Variants in NKAIN1 observed in about 807,000 individuals in gnomAD.
The protein encoded by NKAIN1 is sodium/potassium-transporting ATPase subunit beta-1-interacting protein 1.
In NKAIN1, 13 loss-of-function variants were observed where a neutral mutation model predicts 31.6. The ratio of observed to expected loss-of-function variants is 0.41; its 90% CI spans 0.27 to 0.65. The LOEUF is 0.65. Ranked by LOEUF, NKAIN1 falls within the 30% of genes least tolerant of loss-of-function variation. The pLI is 0.30. For synonymous variants in NKAIN1, 104 were observed against 109.0 expected (o/e 0.95, Z 0.28); for missense variants, 193 against 262.2 (o/e 0.74, Z 1.82).
chr1:31,194,750 C>G (rs1265459636), intron 1 of NKAIN1, among the ~76,000 whole-genome samples: 1 of 142,450 alleles, frequency 7.0e-6, no homozygotes, highest in South Asian at 2.3e-4. Flanking sequence ...TCCTTCCTTC[C>G]TTTTCTCTCT....
chr1:31,212,652 G>A (rs961466967), intron 1 of NKAIN1, among the ~76,000 whole-genome samples: 3 of 152,078 alleles, frequency 2.0e-5, no homozygotes, highest in East Asian at 3.9e-4. Context: ...CAATCTGCCT[G>A]CCTTGGCCTC....
In NKAIN1 at chr1:31,212,404, T is replaced by TTCTTTC. The variant is rs768681611; in HGVS notation, c.55-24218_55-24217insGAAAGA. 0.011 allele frequency among the ~76,000 whole-genome samples: 601 copies of TTCTTTC among 55,058 alleles called. 35 individuals are homozygous for TTCTTTC. The East Asian group carries it at 0.15, about 14-fold the overall frequency. The allele number at this position is 55,058 out of a possible 152,430, so 36.1% of individuals were successfully genotyped here. ...TACTCTGGATTAGGTAATAGTTTCT[T>TTCTTTC]TTTTTTTTTTTTTTTTAGGAGACAA... On this transcript the variant is annotated intron_variant, in intron 1 of 6. Coordinates refer to ENST00000373736, the MANE Select transcript of NKAIN1 (RefSeq NM_024522.3).
chr1:31,229,295 C>G (rs972886666), intron 1 of NKAIN1, among the ~76,000 whole-genome samples: 6 of 152,188 alleles, frequency 3.9e-5, no homozygotes, highest in African/African-American at 1.4e-4. Flanking sequence ...CTATGGTGAG[C>G]TGGAGGTGAG....
At chr1:31,190,344 A>C (rs536896693) in intron 1 of NKAIN1, among the ~76,000 whole-genome samples, 2 of 152,306 alleles carry the variant, frequency 1.3e-5, no homozygotes, top group East Asian at 3.9e-4. Flanking sequence ...CTCCCCTCCC[A>C]GGGATGTGCA....
At chr1:31,200,985 A>G (rs1645375671) in intron 1 of NKAIN1, among the ~76,000 whole-genome samples, 1 of 152,024 alleles carries the variant, frequency 6.6e-6, no homozygotes, top group South Asian at 2.1e-4. Flanking sequence ...GGTGACTGCC[A>G]CCATGCCTGG....
Position 31,181,657 on chromosome 1 carries a change from T to G in NKAIN1, c.*46A>C. The G allele has an allele frequency of 7.0e-7, 1 of 1,430,526 alleles. No homozygotes were observed. The allele number at this position is 1,430,526 out of a possible 1,614,324, so 88.6% of individuals were successfully genotyped here. A position where few individuals can be genotyped will look rare whatever the true frequency, so the allele number is the denominator to read the frequency against. On this transcript the variant is annotated 3_prime_UTR_variant, in exon 7 of 7. Transcript: ENST00000373736. The stretch of plus-strand genomic sequence containing the variant: ...CGCCTTGGCCCGAGCTCGCGGCAGC[T>G]GCGGTCAGCCCAGGGCGAGGCGCCG...
At chr1:31,188,965 A>G (rs369168354) in intron 1 of NKAIN1, among the ~76,000 whole-genome samples, 2 of 151,564 alleles carry the variant, frequency 1.3e-5, no homozygotes, top group Admixed American at 6.6e-5. Flanking sequence ...GTGAGCCAAG[A>G]TCATGCCACT....
intron 1 of NKAIN1, among the ~76,000 whole-genome samples, chr1:31,230,475 A>G (rs1645639381): frequency 6.6e-6 from 1 of 152,194 alleles, no homozygotes; most frequent in South Asian, 2.1e-4. Flanking sequence ...CCAGGAGGCC[A>G]ATGTAAATCA....
chr1:31,208,227 G>T (rs78511939), intron 1 of NKAIN1, among the ~76,000 whole-genome samples: 8,168 of 152,158 alleles, frequency 0.054, 390 homozygotes, highest in Admixed American at 0.16. Flanking sequence ...AAAAGGAAAA[G>T]AATAAAACCT....
intron 1 of NKAIN1, among the ~76,000 whole-genome samples, chr1:31,220,493 G>A (rs1396729678): frequency 6.6e-6 from 1 of 151,874 alleles, no homozygotes; most frequent in Non-Finnish European, 1.5e-5. Flanking sequence ...GGTGGCTCAC[G>A]CCTATAATCC....
At chr1:31,219,515 GT>G (rs1645545494) in intron 1 of NKAIN1, among the ~76,000 whole-genome samples, 1 of 152,180 alleles carries the variant, frequency 6.6e-6, no homozygotes, top group African/African-American at 2.4e-5. Context: ...GTAGGCATAG[GT>G]TTCCAGTGAG....
chr1:31,201,517 C>T (rs1645379856), intron 1 of NKAIN1, among the ~76,000 whole-genome samples: 1 of 92,732 alleles, frequency 1.1e-5, no homozygotes, highest in Non-Finnish European at 2.8e-5. Context: ...CGCCACCATG[C>T]CCGGCTAATT....
intron 1 of NKAIN1, among the ~76,000 whole-genome samples, chr1:31,208,347 C>CT (rs939251749): frequency 2.0e-5 from 3 of 151,984 alleles, no homozygotes; most frequent in Non-Finnish European, 4.4e-5. Flanking sequence ...TCTTCCACCC[C>CT]CCGCTTATGG....
chr1:31,225,467 T>G (rs1446667441), intron 1 of NKAIN1, among the ~76,000 whole-genome samples: 15 of 150,630 alleles, frequency 1.0e-4, no homozygotes, highest in Non-Finnish European at 2.2e-4. Flanking sequence ...CTGAATGGAC[T>G]ACAGGCACCC....
At position 31,234,971 on chromosome 1, in the gene NKAIN1, C is replaced by T. The variant is rs7416539; in HGVS notation, c.54+4523G>A. ...CTGAAAAAGGGGATAATAAACACAT[C>T]TACCCCACTGTGTGGAATTGCAATA... On this transcript the variant is annotated intron_variant, in intron 1 of 6. Transcript: ENST00000373736. Among the ~76,000 whole-genome samples, 1,150 of 152,292 alleles carry T rather than the reference C, an allele frequency of 7.6e-3. 22 individuals are homozygous for T. Among genetic ancestry groups the T allele is most frequent in the African/African-American group, 0.026 (1,087 of 41,570 alleles).
At position 31,181,486 on chromosome 1, in the gene NKAIN1, C is replaced by T; in HGVS notation, c.*217G>A. Reference sequence around the variant, plus strand: ...GTGGTGCCCCTCCCCCGCCCCGCCCCACTCCTCCGAAGTCCGGGCTGCGAA... The same window carrying T: ...GTGGTGCCCCTCCCCCGCCCCGCCCTACTCCTCCGAAGTCCGGGCTGCGAA... On this transcript the variant is annotated 3_prime_UTR_variant, in exon 7 of 7. Coordinates refer to ENST00000373736, the MANE Select transcript of NKAIN1 (RefSeq NM_024522.3). The T allele has an allele frequency of 2.4e-6, 1 of 424,464 alleles. No homozygotes were observed. The highest frequency in any genetic ancestry group is 2.0e-5 in the African/African-American group (1 of 48,872). 26.3% of individuals were successfully genotyped at this position (424,464 alleles called of 1,614,324 possible).
At chr1:31,219,885 G>A (rs532823546) in intron 1 of NKAIN1, among the ~76,000 whole-genome samples, 4 of 152,310 alleles carry the variant, frequency 2.6e-5, no homozygotes, top group Admixed American at 2.0e-4. Context: ...CTGCCTAGCA[G>A]AGTTGTATGA....
At position 31,233,826 on chromosome 1, in the gene NKAIN1, C is replaced by G. The variant is rs907691266; in HGVS notation, c.54+5668G>C. Among the ~76,000 whole-genome samples the G allele has an allele frequency of 6.6e-6, 1 of 152,104 alleles. No individual in the cohort carries two copies. Among genetic ancestry groups the G allele is most frequent in the African/African-American group, 2.4e-5 (1 of 41,434 alleles). ...CGAATTCCCCAAACTGCCATGGGCT[C>G]GTTCGTGGGGTAGAAGCTGTTTTTC... On this transcript the variant is annotated intron_variant, in intron 1 of 6. Coordinates refer to ENST00000373736, the MANE Select transcript of NKAIN1 (RefSeq NM_024522.3). The surrounding 1 kb of genome is among the most constrained non-coding windows in gnomAD (Gnocchi z 4.0).
intron 1 of NKAIN1, among the ~76,000 whole-genome samples, chr1:31,192,527 C>G (rs765066719): frequency 3.3e-5 from 5 of 152,060 alleles, no homozygotes; most frequent in Non-Finnish European, 7.4e-5. Flanking sequence ...CCGTCTCTTC[C>G]TCCGATGGTG....
Sources: gnomAD v4.1 joint callset for allele counts (sites outside exome capture counted in the v4.1 genomes callset) on GRCh38, gnomAD v4.1.1 for gene constraint, Gnocchi (gnomAD v3.1) non-coding constraint, MANE v1.5 for transcripts, NCBI Gene and HGNC (gene_info 2026-07-23, HGNC 2026-07-21) for gene names.